Variants in GON4L observed in about 807,000 individuals in gnomAD.
GON4L encodes the protein GON-4-like protein.
GON4L carries 87 observed loss-of-function variants against 211.8 expected under a neutral mutation model. The ratio of observed to expected loss-of-function variants is 0.41; its 90% confidence interval spans 0.35 to 0.49. GON4L has a LOEUF of 0.49. Ranked by LOEUF, GON4L falls within the 20% of genes least tolerant of loss-of-function variation. The probability of loss-of-function intolerance (pLI) is 0.15; values close to 1 mark genes in which losing one functional copy is unlikely to be tolerated. For synonymous variants in GON4L, 875 were observed against 962.6 expected (o/e 0.91, Z 1.68); for missense variants, 2,155 against 2,659.5 (o/e 0.81, Z 4.17).
Position 155,853,545 on chromosome 1 carries a change from C to T in GON4L, c.236G>A (p.Ser79Asn). Residue 79 changes from serine (S) to asparagine (N), a missense_variant, in exon 2 of 32, where the codon AGC becomes AAC. Ser to Asn is a conservative substitution (Grantham distance 46). Coordinates refer to ENST00000368331, the MANE Select transcript of GON4L (RefSeq NM_001282860.2). The part of the protein sequence containing the change: ...NQLGMEDTSL[S>N]SGMLTQNTNV... The stretch of plus-strand genomic sequence containing the variant: ...TGTGTTCTGGGTGAGCATTCCAGAG[C>T]TCAGAGATGTATCCTCCATACCAAG... 1 of 1,614,240 alleles carries T rather than the reference C, an allele frequency of 6.2e-7. No homozygotes were observed.
chr1:155,758,865 T>G (rs1661464712), intron 24 of GON4L, among the ~76,000 whole-genome samples: 1 of 151,728 alleles, frequency 6.6e-6, no homozygotes, highest in Non-Finnish European at 1.5e-5. Flanking sequence ...GGTGACAGAG[T>G]CAGACTTTGC....
chr1:155,784,059 C>T lies in GON4L; in HGVS notation c.1819G>A (p.Glu607Lys). ...FQDEMGFSNM[E>K]DDGPEEEECV... Reference sequence around the variant, plus strand: ...TCCTCCTCTTCTGGGCCATCATCTTCCATGTTGGAGAATCCCATCTCATCT... The same window carrying T: ...TCCTCCTCTTCTGGGCCATCATCTTTCATGTTGGAGAATCCCATCTCATCT... The change falls in exon 14 of 32, where the codon GAA (glutamate) becomes AAA (lysine). Residue 607 changes from glutamate to lysine, a missense_variant. Transcript: ENST00000368331. 1.2e-6 allele frequency: 2 copies of T among 1,614,092 alleles called. No individual in the cohort carries two copies. The highest frequency in any genetic ancestry group is 1.7e-6 in the Non-Finnish European group (2 of 1,179,988).
rs200374858 is a variant in GON4L, at chr1:155,765,388, C to G, written c.4085G>C (p.Ser1362Thr). The G allele has an allele frequency of 3.2e-5, 52 of 1,614,066 alleles. No homozygotes were observed. The East Asian group carries it at 1.1e-3, about 35-fold the overall frequency. The stretch of plus-strand genomic sequence containing the variant: ...TTCTCCAGCACTGCTCAACTCCTCG[C>G]TTGGGGCACCAGTGTCCAATTCCAC... ...HAVELDTGAP[S>T]EELSSAGEVT... is the part of the protein sequence containing the mutation. Residue 1362 changes from serine to threonine, a missense_variant, in exon 21 of 32, where the codon AGC becomes ACC. Coordinates refer to ENST00000368331, the MANE Select transcript of GON4L (RefSeq NM_001282860.2).
At chr1:155,854,750 T>C (rs1350355690) in intron 1 of GON4L, among the ~76,000 whole-genome samples, 1 of 152,228 alleles carries the variant, frequency 6.6e-6, no homozygotes, top group African/African-American at 2.4e-5. Flanking sequence ...TTAGGCTATG[T>C]TGGCTGGGCA....
At position 155,765,093 on chromosome 1, in the gene GON4L, C is replaced by T. The variant is rs759848171; in HGVS notation, c.4380G>A (p.Glu1460=). Residue 1460 remains glutamate (E), a synonymous_variant, in exon 21 of 32, where the codon GAG becomes GAA. Transcript: ENST00000368331. Reference sequence around the variant, plus strand: ...TGAGGTCATCAAAGTCCTCTTCTTCCTCTTCTTCTGGCCCATTCTTCTCTC... The same window carrying T: ...TGAGGTCATCAAAGTCCTCTTCTTCTTCTTCTTCTGGCCCATTCTTCTCTC... ...TGGEKNGPEE[E]EEEDFDDLTQ... is the part of the protein sequence containing the mutation. The T allele has an allele frequency of 5.0e-6, 8 of 1,614,032 alleles. No homozygotes were observed. In the South Asian group the frequency reaches 5.5e-5, roughly 11 times the overall value.
At chr1:155,836,910 A>G (rs1452348900) in intron 2 of GON4L, among the ~76,000 whole-genome samples, 1 of 151,984 alleles carries the variant, frequency 6.6e-6, no homozygotes, top group Non-Finnish European at 1.5e-5. Context: ...TTTGAGAGGT[A>G]TTCCTTTGTG....
At chr1:155,777,316 C>T (rs1042956976) in intron 15 of GON4L, among the ~76,000 whole-genome samples, 1 of 152,140 alleles carries the variant, frequency 6.6e-6, no homozygotes, top group African/African-American at 2.4e-5. Flanking sequence ...CGCAGTGGCT[C>T]ACGCCTGTAA....
At chr1:155,823,675 A>G (rs1571865910) in intron 3 of GON4L, among the ~76,000 whole-genome samples, 1 of 152,184 alleles carries the variant, frequency 6.6e-6, no homozygotes, top group African/African-American at 2.4e-5. Context: ...CAGGTGGATC[A>G]CCTGAGGTCA....
downstream of GON4L, chr1:155,747,933 A>G (rs749245246): frequency 1.5e-5 from 23 of 1,562,016 alleles, no homozygotes; most frequent in Non-Finnish European, 1.7e-5. Flanking sequence ...TTCGAATCCC[A>G]TTGGGAGAGT....
rs535472088 is a variant in GON4L, at chr1:155,788,845, C to T, written c.1748-3471G>A. ...GTGGCTCACGCCTGTAATCCCAGCA[C>T]TTTGGGAGTCCAGGGCAGGTGGATC... On this transcript the variant is annotated intron_variant, in intron 12 of 31. Transcript: ENST00000368331. Among the ~76,000 whole-genome samples, 3 of 152,196 alleles carry T rather than the reference C, an allele frequency of 2.0e-5. No individual in the cohort carries two copies. In the East Asian group the frequency reaches 5.8e-4, roughly 29 times the overall value.
intron 19 of GON4L, among the ~76,000 whole-genome samples, chr1:155,770,527 C>T (rs1663086942): frequency 6.6e-6 from 1 of 152,150 alleles, no homozygotes; most frequent in South Asian, 2.1e-4. Context: ...AAGAACCCGT[C>T]TCTAAAAACA....
chr1:155,811,754 C>CAAA (rs145360103), intron 10 of GON4L, among the ~76,000 whole-genome samples: 382 of 32,882 alleles, frequency 0.012, 42 homozygotes, highest in South Asian at 0.019. Context: ...GACTCTGTCT[C>CAAA]AAAAAAAAAA....
intron 2 of GON4L, 95 bp downstream of exon 2, chr1:155,853,181 C>G: frequency 9.3e-7 from 1 of 1,076,490 alleles, no homozygotes; most frequent in South Asian, 1.3e-5. Flanking sequence ...AATCAATATC[C>G]CCTTTCAGAA....
rs780141731 is a variant in GON4L at position 155,765,487 on chromosome 1, G to A, written c.3986C>T (p.Pro1329Leu). The A allele has an allele frequency of 6.8e-6, 11 of 1,614,124 alleles. No individual in the cohort carries two copies. In the Admixed American group the frequency reaches 1.7e-4, roughly 24 times the overall value. Residue 1329 changes from proline (P) to leucine (L), a missense_variant, in exon 21 of 32, where the codon CCT (proline) becomes CTT (leucine). Around this residue, in one of 6 missense-constraint regions of GON4L, gnomAD observed 615 missense variants for 625.7 expected, o/e 0.98. Coordinates refer to ENST00000368331, the MANE Select transcript of GON4L (RefSeq NM_001282860.2). ...GDLEEIVKME[P>L]EEAREEISGS... ...ACTGATTTCCTCTCTAGCTTCTTCA[G>A]GTTCCATCTTGACAATTTCCTCTAA... is the stretch of plus-strand genomic sequence containing the variant.
intron 2 of GON4L, among the ~76,000 whole-genome samples, chr1:155,847,962 G>C (rs1458234227): frequency 6.6e-6 from 1 of 152,084 alleles, no homozygotes; most frequent in Non-Finnish European, 1.5e-5. Flanking sequence ...CAAATGCCAT[G>C]GCAACCCCTA....
At chr1:155,781,762 A>G (rs903306556) in intron 14 of GON4L, among the ~76,000 whole-genome samples, 2 of 149,574 alleles carry the variant, frequency 1.3e-5, no homozygotes, top group African/African-American at 4.9e-5. Flanking sequence ...CACCCGGCCT[A>G]TTATTATTTT....
At chr1:155,857,968 T>C (rs1240976725), upstream of GON4L, among the ~76,000 whole-genome samples, 1 of 152,200 alleles carries the variant, frequency 6.6e-6, no homozygotes, top group Non-Finnish European at 1.5e-5. Flanking sequence ...GTCTCCACAA[T>C]AGACTGTAAG....
At chr1:155,820,555 C>G in intron 6 of GON4L, 51 bp downstream of exon 6, 1 of 1,222,636 alleles carries the variant, frequency 8.2e-7, no homozygotes, top group Non-Finnish European at 1.2e-6. Flanking sequence ...TGAATTAGAT[C>G]CTATTCACCA....
At chr1:155,853,082 A>C (rs1671957316) in intron 2 of GON4L, among the ~76,000 whole-genome samples, 194 bp downstream of exon 2, 1 of 152,090 alleles carries the variant, frequency 6.6e-6, no homozygotes. Flanking sequence ...ATTGCACTCT[A>C]GTCTGGTGAC....
Sources: allele counts gnomAD v4.1 joint callset (sites outside exome capture counted in the v4.1 genomes callset), GRCh38; gene constraint gnomAD v4.1.1; regional missense constraint gnomAD v4.1.1; transcripts MANE v1.5; gene names NCBI Gene and HGNC (gene_info 2026-07-23, HGNC 2026-07-21).